ADAMTS14: variants seen among roughly 807,000 people sequenced by gnomAD.
ADAMTS14 encodes the protein A disintegrin and metalloproteinase with thrombospondin motifs 14.
A neutral mutation model predicts 128.6 loss-of-function variants in ADAMTS14; 100 were observed. That is an observed-to-expected ratio of 0.78 (90% CI 0.66 to 0.92). The LOEUF is 0.92. Among genes scored for constraint, ADAMTS14 ranks in the 40% least tolerant of loss-of-function variants. ADAMTS14 has a pLI of 0.00. For synonymous variants in ADAMTS14, 665 were observed against 653.8 expected (o/e 1.02, Z -0.26); for missense variants, 1,562 against 1,658.6 (o/e 0.94, Z 1.01).
rs376983862 is a variant in ADAMTS14 at position 70,689,678 on chromosome 10, C to T, written c.523-12634C>T. ...CCAGATGATGACATTCGCCTTCCTG[C>T]GCTCCCTTGCCCCTGCAGTGTATTC... On this transcript the variant is annotated intron_variant, in intron 2 of 21. Transcript: ENST00000373207. Among the ~76,000 whole-genome samples the T allele has an allele frequency of 5.9e-4, 86 of 145,822 alleles. 7 individuals carry two copies. The highest frequency in any genetic ancestry group is 3.9e-3 in the East Asian group (20 of 5,142).
intron 6 of ADAMTS14, 22 bp from the exon 7 acceptor site, chr10:70,732,232 C>A: frequency 1.2e-6 from 2 of 1,610,100 alleles, no homozygotes; most frequent in Non-Finnish European, 8.5e-7. Flanking sequence ...CGCTCTCCAC[C>A]TTTTCTTTCT....
At chr10:70,724,053 A>G (rs1048358738) in intron 4 of ADAMTS14, among the ~76,000 whole-genome samples, 2 of 152,232 alleles carry the variant, frequency 1.3e-5, no homozygotes, top group Non-Finnish European at 2.9e-5. Context: ...CTGTATGCCA[A>G]GCCCTTGGCA....
At chr10:70,712,032 C>T (rs1008688033) in intron 4 of ADAMTS14, among the ~76,000 whole-genome samples, 3 of 151,640 alleles carry the variant, frequency 2.0e-5, no homozygotes, top group African/African-American at 7.3e-5. Flanking sequence ...CAAAGGCTAC[C>T]ACATGGAGTT....
At chr10:70,752,949 C>T (rs1256971631) in intron 18 of ADAMTS14, among the ~76,000 whole-genome samples, 4 of 152,358 alleles carry the variant, frequency 2.6e-5, no homozygotes, top group African/African-American at 9.6e-5. Context: ...TCATAACCAG[C>T]CCCCTGTGCT....
chr10:70,693,504 T>C (rs1840248138), intron 2 of ADAMTS14, among the ~76,000 whole-genome samples: 1 of 152,108 alleles, frequency 6.6e-6, no homozygotes, highest in South Asian at 2.1e-4. Flanking sequence ...CTCGGGACCA[T>C]CCTAGGTGCC....
chr10:70,734,179 C>A, intron 8 of ADAMTS14, 151 bp downstream of exon 8: 1 of 1,009,402 alleles, frequency 9.9e-7, no homozygotes, highest in Non-Finnish European at 1.4e-6. Context: ...TGGCCTAAAA[C>A]ATACCCCATT....
chr10:70,730,012 G>A lies in ADAMTS14; in HGVS notation c.955-90G>A, dbSNP rs187689950. ...GTCCTGCAGTCCTCTGGGCCTTAGCGTTCCCATCTGTAAGTGGGAGGAGAG... is the reference window on the plus strand; with the variant it reads ...GTCCTGCAGTCCTCTGGGCCTTAGCATTCCCATCTGTAAGTGGGAGGAGAG... On this transcript the variant is annotated intron_variant, in intron 5 of 21. Coordinates refer to ENST00000373207, the MANE Select transcript of ADAMTS14 (RefSeq NM_080722.4). 5.1e-5 allele frequency: 74 copies of A among 1,451,160 alleles called. No individual in the cohort carries two copies. In the African/African-American group the frequency reaches 5.5e-4, roughly 11 times the overall value. The allele number at this position is 1,451,160 out of a possible 1,614,324, so 89.9% of individuals were successfully genotyped here.
chr10:70,704,987 C>G (rs544841291), intron 3 of ADAMTS14, among the ~76,000 whole-genome samples: 2 of 151,930 alleles, frequency 1.3e-5, no homozygotes, highest in Admixed American at 1.3e-4. Context: ...CATCCACACA[C>G]TGACACCCCC....
intron 19 of ADAMTS14, among the ~76,000 whole-genome samples, chr10:70,757,652 T>C (rs2688770): frequency 1.6e-3 from 248 of 152,186 alleles, no homozygotes; most frequent in African/African-American, 5.7e-3. Context: ...GGGAATGGGG[T>C]CCCAGAGGTT....
intron 4 of ADAMTS14, among the ~76,000 whole-genome samples, chr10:70,716,420 C>T (rs557641133): frequency 2.0e-5 from 3 of 152,174 alleles, no homozygotes; most frequent in Non-Finnish European, 4.4e-5. Flanking sequence ...CTGCTGCCAT[C>T]GCGGGTACAT....
chr10:70,718,698 T>A (rs1038961711), intron 4 of ADAMTS14, among the ~76,000 whole-genome samples: 3 of 150,884 alleles, frequency 2.0e-5, no homozygotes, highest in African/African-American at 7.3e-5. Flanking sequence ...TTTTTTTTTT[T>A]AAAGACAGTG....
chr10:70,674,173 G>A (rs903777054), intron 1 of ADAMTS14, among the ~76,000 whole-genome samples: 5 of 152,212 alleles, frequency 3.3e-5, no homozygotes, highest in African/African-American at 7.2e-5. Flanking sequence ...AGCACACTGG[G>A]GAGTTTGGGC....
chr10:70,700,313 TC>T (rs560389240), intron 2 of ADAMTS14, among the ~76,000 whole-genome samples: 1 of 152,234 alleles, frequency 6.6e-6, no homozygotes, highest in Admixed American at 6.5e-5. Flanking sequence ...TGGGGGTCCT[TC>T]CCCTCTACCT....
At chr10:70,753,730 G>T in intron 18 of ADAMTS14, 70 bp from the exon 19 acceptor site, 1 of 1,434,336 alleles carries the variant, frequency 7.0e-7, no homozygotes, top group Non-Finnish European at 9.3e-7. Flanking sequence ...AGCTGTCTGG[G>T]GATAGAAAGT....
intron 4 of ADAMTS14, among the ~76,000 whole-genome samples, chr10:70,727,458 G>T (rs184173058): frequency 6.6e-6 from 1 of 152,180 alleles, no homozygotes; most frequent in Non-Finnish European, 1.5e-5. Flanking sequence ...ATGGAGCTCC[G>T]GCCCAGCTCC....
intron 12 of ADAMTS14, among the ~76,000 whole-genome samples, chr10:70,742,998 AG>A (rs1482560322): frequency 2.0e-5 from 3 of 152,168 alleles, no homozygotes; most frequent in African/African-American, 7.2e-5. Flanking sequence ...GAAGTTTTGT[AG>A]GGGTCAGAGC....
At chr10:70,731,167 T>G (rs1841625961) in intron 6 of ADAMTS14, among the ~76,000 whole-genome samples, 1 of 151,844 alleles carries the variant, frequency 6.6e-6, no homozygotes, top group Non-Finnish European at 1.5e-5. Context: ...CATAAGCCAG[T>G]GTGTACATGT....
At position 70,761,614 on chromosome 10, in the gene ADAMTS14, C is replaced by T. The variant is rs1842615403; in HGVS notation, c.*761C>T. 6.6e-6 allele frequency: 1 copy of T among 152,218 alleles called. No homozygotes were observed. The highest frequency in any genetic ancestry group is 2.4e-5 in the African/African-American group (1 of 41,450). The allele number at this position is 152,218 out of a possible 1,614,324, so 9.4% of individuals were successfully genotyped here. On this transcript the variant is annotated 3_prime_UTR_variant, in exon 22 of 22. Transcript: ENST00000373207. ...GCCCACCAGAGAAGGGGGCTCAGGA[C>T]ACCCTGGACCCCAAGTCCTCAGCAT...
chr10:70,704,406 C>A (rs537083748), intron 3 of ADAMTS14, among the ~76,000 whole-genome samples: 3 of 151,992 alleles, frequency 2.0e-5, no homozygotes, highest in African/African-American at 7.2e-5. Context: ...ACCCATATAC[C>A]CGCACTCACC....
Sources: gnomAD v4.1 joint callset for allele counts (sites outside exome capture counted in the v4.1 genomes callset) on GRCh38, gnomAD v4.1.1 for gene constraint, MANE v1.5 for transcripts, NCBI Gene and HGNC (gene_info 2026-07-23, HGNC 2026-07-21) for gene names.